Variants in WDR44 observed in about 807,000 individuals in gnomAD.
WDR44 encodes the protein WD repeat-containing protein 44.
WDR44 carries 9 observed loss-of-function variants against 65.7 expected under a neutral mutation model. That is an observed-to-expected ratio of 0.14 (90% CI 0.08 to 0.24). The LOEUF (loss-of-function observed/expected upper bound fraction) is 0.24, where lower values mean the gene tolerates loss of function less well. Among genes scored for constraint, WDR44 ranks in the 10% least tolerant of loss-of-function variants. The pLI is 1.00. For synonymous variants in WDR44, 220 were observed against 235.2 expected, an observed-to-expected ratio of 0.94 and a Z score of 0.59; for missense variants, 425 against 670.9, an observed-to-expected ratio of 0.63 and a Z score of 4.05.
In WDR44 at chrX:118,428,369, G is replaced by A. The variant is rs1272229980; in HGVS notation, c.1738-4412G>A. Among the ~76,000 whole-genome samples, 3 of 110,146 alleles carry A rather than the reference G, an allele frequency of 2.7e-5. No homozygotes were observed. The Admixed American group carries it at 2.9e-4, about 11-fold the overall frequency. ...TGTCCAGTCTGGTCTCAAACTCCTGGCCTCAAGCAATCCTCCTGCCTCAGC... is the reference window on the plus strand; with the variant it reads ...TGTCCAGTCTGGTCTCAAACTCCTGACCTCAAGCAATCCTCCTGCCTCAGC... On this transcript the variant is annotated intron_variant, in intron 12 of 19. Coordinates refer to ENST00000254029, the MANE Select transcript of WDR44 (RefSeq NM_019045.5).
At chrX:118,365,682 C>T (rs926465650) in intron 1 of WDR44, among the ~76,000 whole-genome samples, 16 of 111,245 alleles carry the variant, frequency 1.4e-4, no homozygotes, top group African/African-American at 5.2e-4. Context: ...TGCTTAAAAC[C>T]GGATTTTTGT....
rs144918720 is a variant in WDR44 at position 118,397,374 on chromosome X, A to G, written c.1190+268A>G. Among the ~76,000 whole-genome samples the G allele has an allele frequency of 2.2e-4, 25 of 111,404 alleles. No individual in the cohort carries two copies. In the East Asian group the frequency reaches 7.0e-3, roughly 31 times the overall value. On this transcript the variant is annotated intron_variant, in intron 7 of 19. Transcript: ENST00000254029. ...AAATTATACTTGAGACAATATAAAA[A>G]CAGTGAGGCAGCCAGGCGTGATAGT...
At chrX:118,412,893 C>A (rs1056823820) in intron 12 of WDR44, among the ~76,000 whole-genome samples, 2 of 111,484 alleles carry the variant, frequency 1.8e-5, no homozygotes, top group African/African-American at 6.5e-5. Context: ...ATCATTCTTA[C>A]ATCTTTGCGT....
chrX:118,378,584 C>A, intron 2 of WDR44, 132 bp downstream of exon 2: 1 of 532,044 alleles, frequency 1.9e-6, no homozygotes, highest in Admixed American at 3.2e-5. Flanking sequence ...GTCATTATGT[C>A]CTACTTGGTA....
chrX:118,393,060 T>C lies in WDR44; in HGVS notation c.615T>C (p.Ala205=), dbSNP rs754869616. ...SDSLSTKDFA[A]VEEVAPAKPP... ...CCTTATCTACTAAAGATTTTGCCGC[T>C]GTGGAAGAAGTGGCCCCTGCCAAAC... Residue 205 remains alanine (A), a synonymous_variant, in exon 4 of 20, where the codon GCT becomes GCC. Coordinates refer to ENST00000254029, the MANE Select transcript of WDR44 (RefSeq NM_019045.5). The C allele has an allele frequency of 1.7e-6, 2 of 1,212,046 alleles. No homozygotes were observed. Among genetic ancestry groups the C allele is most frequent in the Non-Finnish European group, 2.2e-6 (2 of 895,578 alleles).
chrX:118,443,383 C>T (rs1201258060), intron 17 of WDR44, among the ~76,000 whole-genome samples, 177 bp from the exon 18 acceptor site: 1 of 111,830 alleles, frequency 8.9e-6, no homozygotes, highest in African/African-American at 3.3e-5. Context: ...AGTGCCAGGC[C>T]ACTACATCAC....
intron 2 of WDR44, among the ~76,000 whole-genome samples, chrX:118,379,492 A>T (rs1183384712): frequency 9.0e-6 from 1 of 111,729 alleles, no homozygotes; most frequent in African/African-American, 3.2e-5. Flanking sequence ...TACTCATAGA[A>T]AAACATATAC....
At chrX:118,428,660 T>C (rs2057180293) in intron 12 of WDR44, among the ~76,000 whole-genome samples, 1 of 111,764 alleles carries the variant, frequency 8.9e-6, no homozygotes, top group South Asian at 3.7e-4. Context: ...CTCAAAGACC[T>C]AGAACCAGAA....
At chrX:118,441,249 G>A (rs983327834) in intron 14 of WDR44, 119 bp from the exon 15 acceptor site, 62 of 672,026 alleles carry the variant, frequency 9.2e-5, no homozygotes, top group Non-Finnish European at 1.2e-4. Context: ...GTGAGCCACC[G>A]CACCTGGCCC....
chrX:118,386,667 C>T (rs948272391), intron 2 of WDR44, among the ~76,000 whole-genome samples: 1 of 111,152 alleles, frequency 9.0e-6, no homozygotes, highest in Admixed American at 9.7e-5. Flanking sequence ...TTTATTCAGC[C>T]CCTTGCTTAA....
intron 19 of WDR44, among the ~76,000 whole-genome samples, chrX:118,447,875 AATATAT>A (rs10570740): frequency 0.095 from 5,181 of 54,619 alleles, 513 homozygotes; most frequent in African/African-American, 0.26. Flanking sequence ...CTCTATCTAA[AATATAT>A]ATATATATAT....
chrX:118,359,622 T>G (rs2056494358), intron 1 of WDR44, among the ~76,000 whole-genome samples: 1 of 112,400 alleles, frequency 8.9e-6, no homozygotes, highest in Non-Finnish European at 1.9e-5. Flanking sequence ...CAACAAAGTT[T>G]CCTTTGATTT....
At chrX:118,376,362 A>G (rs2056659815) in intron 1 of WDR44, among the ~76,000 whole-genome samples, 1 of 111,782 alleles carries the variant, frequency 8.9e-6, no homozygotes, top group Admixed American at 9.6e-5. Flanking sequence ...AGTTTGGCAT[A>G]TAAAAACATG....
At chrX:118,427,582 A>C (rs1350982795) in intron 12 of WDR44, among the ~76,000 whole-genome samples, 1 of 108,255 alleles carries the variant, frequency 9.2e-6, no homozygotes, top group African/African-American at 3.4e-5. Flanking sequence ...ATGGGCAGAC[A>C]TCTGTAACTA....
chrX:118,388,414 G>C (rs1320458574), intron 3 of WDR44, among the ~76,000 whole-genome samples: 1 of 111,053 alleles, frequency 9.0e-6, no homozygotes, highest in African/African-American at 3.3e-5. Context: ...CTGAGTAGCT[G>C]GGACTACAGG....
intron 1 of WDR44, among the ~76,000 whole-genome samples, chrX:118,373,357 C>G (rs888703768): frequency 1.8e-5 from 2 of 111,266 alleles, no homozygotes; most frequent in African/African-American, 6.5e-5. Context: ...TTAACCTACT[C>G]ATGTACTTAT....
chrX:118,397,363 A>G (rs2056874170), intron 7 of WDR44, among the ~76,000 whole-genome samples: 1 of 111,254 alleles, frequency 9.0e-6, no homozygotes, highest in African/African-American at 3.3e-5. Context: ...TATACTTGAG[A>G]CAATATAAAA....
chrX:118,406,649 C>T (rs1440864422), intron 9 of WDR44, among the ~76,000 whole-genome samples: 2 of 111,212 alleles, frequency 1.8e-5, no homozygotes, highest in East Asian at 2.8e-4. Flanking sequence ...TAAGAGGCAT[C>T]GAAAGTTGAG....
chrX:118,441,676 A>G, intron 15 of WDR44, 117 bp downstream of exon 15: 3 of 569,031 alleles, frequency 5.3e-6, no homozygotes, highest in East Asian at 3.6e-5. Context: ...AATAGAGACA[A>G]ATAATACCAT....
Sources: allele counts gnomAD v4.1 joint callset (sites outside exome capture counted in the v4.1 genomes callset), GRCh38; gene constraint gnomAD v4.1.1; transcripts MANE v1.5; gene names NCBI Gene and HGNC (gene_info 2026-07-23, HGNC 2026-07-21).